Variants in FHDC1 observed in about 807,000 individuals in gnomAD.
FHDC1 encodes FH2 domain-containing protein 1.
In FHDC1, 25 loss-of-function variants were observed where a neutral mutation model predicts 52.6. That is an observed-to-expected ratio of 0.48 (90% CI 0.35 to 0.66). The LOEUF (loss-of-function observed/expected upper bound fraction) is 0.66. Ranked by LOEUF, FHDC1 falls within the 30% of genes least tolerant of loss-of-function variation. The pLI is 0.01. For synonymous variants in FHDC1, 616 were observed against 581.5 expected (o/e 1.06, Z -0.85); for missense variants, 1,459 against 1,452.8 (o/e 1.00, Z -0.07).
chr4:152,976,569 G>C lies in FHDC1; in HGVS notation c.3278G>C (p.Arg1093Pro), dbSNP rs761362205. The change falls in exon 12 of 12, where the codon CGG becomes CCG. Residue 1093 changes from arginine (R) to proline (P), a missense_variant. Arg to Pro is a moderately radical substitution (Grantham distance 103). Around this residue, in one of 3 missense-constraint regions of FHDC1, gnomAD observed 939 missense variants for 854.5 expected, o/e 1.10. Coordinates refer to ENST00000511601, the MANE Select transcript of FHDC1 (RefSeq NM_001371116.1). ...ACTTTGAGGCGAGCCAGCAGTGCCC[G>C]GGCCCCCAAGAAGCGCCCAGAGTCT... is the stretch of plus-strand genomic sequence containing the variant. ...SSTLRRASSA[R>P]APKKRPESAE... The C allele has an allele frequency of 1.2e-6, 2 of 1,612,626 alleles. No individual in the cohort carries two copies. Among genetic ancestry groups the C allele is most frequent in the South Asian group, 2.2e-5 (2 of 91,012 alleles).
chr4:152,911,416 G>A, the FHDC1 span: 2 of 152,360 alleles, frequency 1.3e-5, no homozygotes, highest in Admixed American at 1.3e-4. Flanking sequence ...GTACCAGGAA[G>A]AAAGAGGATT....
chr4:152,962,940 GGTGTGTGTGTGTGTGTGTGTGTGTGTGT>G, intron 7 of FHDC1, 55 bp from the exon 8 acceptor site: 2 of 934,994 alleles, frequency 2.1e-6, no homozygotes, highest in South Asian at 1.5e-5. Flanking sequence ...TCTATCTAAA[GGTGTGTGTGTGTGTGTGTGTGTGTGTGT>G]GTGTGTGTGT....
the FHDC1 span, among the ~76,000 whole-genome samples, chr4:152,926,511 G>A: frequency 2.2e-4 from 33 of 151,152 alleles, no homozygotes; most frequent in African/African-American, 8.0e-4. Context: ...AAAAAAAAGG[G>A]CAGAACCTTA....
chr4:152,968,556 C>T (rs1015361423), intron 10 of FHDC1, among the ~76,000 whole-genome samples: 4 of 152,128 alleles, frequency 2.6e-5, no homozygotes, highest in East Asian at 1.9e-4. Context: ...CTCAAACTCC[C>T]GACCTCAGGT....
chr4:152,938,689 C>A (rs1019866277), intron 1 of FHDC1, among the ~76,000 whole-genome samples: 4 of 152,202 alleles, frequency 2.6e-5, no homozygotes, highest in East Asian at 1.9e-4. Context: ...GCCCTTCCTG[C>A]CCCCACCTCT....
chr4:152,971,614 A>C (rs1354680395), intron 10 of FHDC1, among the ~76,000 whole-genome samples: 3 of 152,240 alleles, frequency 2.0e-5, no homozygotes, highest in African/African-American at 7.2e-5. Context: ...GGGGCCTCAG[A>C]GACTTATTTG....
chr4:152,942,880 C>A, intron 1 of FHDC1, 48 bp from the exon 2 acceptor site: 1 of 653,150 alleles, frequency 1.5e-6, no homozygotes, highest in Non-Finnish European at 2.5e-6. Flanking sequence ...AATGCTGATG[C>A]GAAACTGTTT....
chr4:152,968,346 G>A (rs1740530090), intron 10 of FHDC1, among the ~76,000 whole-genome samples: 1 of 151,414 alleles, frequency 6.6e-6, no homozygotes, highest in African/African-American at 2.4e-5. Flanking sequence ...TTTGTCTTGA[G>A]AGGGAGTCTT....
the FHDC1 span, among the ~76,000 whole-genome samples, chr4:152,923,426 A>T: frequency 2.0e-5 from 3 of 152,218 alleles, no homozygotes; most frequent in Non-Finnish European, 4.4e-5. Context: ...GAAAATGGCC[A>T]TACTGCCCAA....
At chr4:152,952,339 G>A (rs1415339932) in intron 2 of FHDC1, among the ~76,000 whole-genome samples, 2 of 151,826 alleles carry the variant, frequency 1.3e-5, no homozygotes, top group Non-Finnish European at 2.9e-5. Flanking sequence ...CGCGATTCTT[G>A]TTAGGCCAAG....
chr4:152,913,257 G>A, the FHDC1 span, among the ~76,000 whole-genome samples: 1 of 152,184 alleles, frequency 6.6e-6, no homozygotes, highest in Non-Finnish European at 1.5e-5. Context: ...TTCATACTAG[G>A]TAGATTGCAA....
chr4:152,924,280 C>G, the FHDC1 span, among the ~76,000 whole-genome samples: 4 of 152,216 alleles, frequency 2.6e-5, no homozygotes, highest in East Asian at 7.7e-4. Flanking sequence ...CACTGGCCAT[C>G]AGAGAAACGC....
At chr4:152,933,274 TG>T (rs1258444527), upstream of FHDC1, among the ~76,000 whole-genome samples, 4 of 152,234 alleles carry the variant, frequency 2.6e-5, no homozygotes, top group East Asian at 7.7e-4. Context: ...TTGGCACATT[TG>T]GGGGATACAG....
intron 11 of FHDC1, among the ~76,000 whole-genome samples, chr4:152,973,542 A>C (rs1158104103): frequency 6.6e-6 from 1 of 152,196 alleles, no homozygotes; most frequent in Non-Finnish European, 1.5e-5. Flanking sequence ...CTGTGAGGCC[A>C]CCTGTGTGAT....
At chr4:152,960,958 T>C (rs1030346139) in intron 6 of FHDC1, 114 bp downstream of exon 6, 6 of 670,768 alleles carry the variant, frequency 8.9e-6, no homozygotes, top group Non-Finnish European at 1.4e-5. Flanking sequence ...GATATACCCT[T>C]AAAAGGGAAA....
chr4:152,939,415 T>C (rs980992901), intron 1 of FHDC1, among the ~76,000 whole-genome samples: 1 of 152,110 alleles, frequency 6.6e-6, no homozygotes, highest in Non-Finnish European at 1.5e-5. Flanking sequence ...ATTACAGGCG[T>C]GAGCCACCGC....
At chr4:152,973,935 C>G (rs1740755627) in intron 11 of FHDC1, among the ~76,000 whole-genome samples, 1 of 152,144 alleles carries the variant, frequency 6.6e-6, no homozygotes, top group African/African-American at 2.4e-5. Context: ...GTAAAGCACA[C>G]CTCCTCCTCT....
chr4:152,969,079 T>G (rs1740556556), intron 10 of FHDC1, among the ~76,000 whole-genome samples: 1 of 148,846 alleles, frequency 6.7e-6, no homozygotes, highest in Non-Finnish European at 1.5e-5. Flanking sequence ...TCTTTTATCT[T>G]CCTTATTAAA....
intron 2 of FHDC1, among the ~76,000 whole-genome samples, chr4:152,944,537 CAGCTCCATGCA>C (rs1228936499): frequency 1.3e-5 from 2 of 152,174 alleles, no homozygotes; most frequent in African/African-American, 4.8e-5. Flanking sequence ...GATGGAGTAG[CAGCTCCATGCA>C]TTATTGAATT....
Sources: gnomAD v4.1 joint callset for allele counts (sites outside exome capture counted in the v4.1 genomes callset) on GRCh38, gnomAD v4.1.1 for gene constraint, gnomAD v4.1.1 regional missense constraint, MANE v1.5 for transcripts, NCBI Gene and HGNC (gene_info 2026-07-23, HGNC 2026-07-21) for gene names.